Variants in BMPER observed in about 807,000 individuals in gnomAD.
BMPER encodes BMP binding endothelial regulator, also known as BMP-binding endothelial regulator protein.
BMPER carries 45 observed loss-of-function variants against 87.3 expected under a neutral mutation model. The ratio of observed to expected loss-of-function variants is 0.52; its 90% CI spans 0.41 to 0.66. The LOEUF (loss-of-function observed/expected upper bound fraction) is 0.66, where lower values mean the gene tolerates loss of function less well. Among genes scored for constraint, BMPER ranks in the 30% least tolerant of loss-of-function variants. BMPER has a pLI of 0.00. For synonymous variants in BMPER, 326 were observed against 316.2 expected (o/e 1.03, Z -0.33); for missense variants, 784 against 867.5 (o/e 0.90, Z 1.21).
chr7:34,136,748 C>T (rs1056187340), intron 13 of BMPER, among the ~76,000 whole-genome samples: 7 of 152,254 alleles, frequency 4.6e-5, no homozygotes, highest in African/African-American at 1.4e-4. Context: ...AGCTGACCTT[C>T]AGATTGACAA....
At chr7:34,026,055 G>A (rs986041610) in intron 6 of BMPER, among the ~76,000 whole-genome samples, 1 of 151,930 alleles carries the variant, frequency 6.6e-6, no homozygotes, top group African/African-American at 2.4e-5. Context: ...CCCTACTTTG[G>A]GTTCAACGTT....
chr7:33,923,571 C>T (rs972570970), intron 2 of BMPER, among the ~76,000 whole-genome samples: 2 of 152,176 alleles, frequency 1.3e-5, no homozygotes, highest in East Asian at 3.9e-4. Flanking sequence ...CTGTGAGCCT[C>T]AAATAGTGGG....
intron 11 of BMPER, among the ~76,000 whole-genome samples, chr7:34,068,168 T>G (rs1788641539): frequency 6.6e-6 from 1 of 152,244 alleles, no homozygotes; most frequent in Non-Finnish European, 1.5e-5. Flanking sequence ...CACAGCCGTC[T>G]TGTGGTCAAA....
At chr7:33,905,186 G>T (rs961675038), upstream of BMPER, 31 of 267,956 alleles carry the variant, frequency 1.2e-4, no homozygotes, top group Non-Finnish European at 8.7e-5. Context: ...CAGCGACAGC[G>T]ACAGCCCCCG....
At chr7:34,069,536 T>C (rs911851898) in intron 11 of BMPER, among the ~76,000 whole-genome samples, 1 of 152,172 alleles carries the variant, frequency 6.6e-6, no homozygotes, top group Admixed American at 6.5e-5. Context: ...AGCCTGAGGG[T>C]GAAAGAAATT....
At chr7:33,991,601 TG>T (rs1205274022) in intron 6 of BMPER, among the ~76,000 whole-genome samples, 1 of 152,212 alleles carries the variant, frequency 6.6e-6, no homozygotes, top group African/African-American at 2.4e-5. Flanking sequence ...AAGGGTTTTT[TG>T]TGTCTGTATT....
chr7:34,152,971 G>A, intron 14 of BMPER, 121 bp from the exon 15 acceptor site: 1 of 1,138,696 alleles, frequency 8.8e-7, no homozygotes. Flanking sequence ...AAATGCAAAT[G>A]TGATCCTGAG....
At chr7:33,951,616 A>C (rs1785026215) in intron 3 of BMPER, among the ~76,000 whole-genome samples, 1 of 151,982 alleles carries the variant, frequency 6.6e-6, no homozygotes, top group South Asian at 2.1e-4. Context: ...AAGTTTTGGG[A>C]GGGTAGGGAT....
chr7:33,910,707 C>A (rs1004878926), intron 2 of BMPER, among the ~76,000 whole-genome samples: 1 of 152,190 alleles, frequency 6.6e-6, no homozygotes, highest in East Asian at 1.9e-4. Flanking sequence ...TTCAATGTTA[C>A]AAGAATCAGG....
chr7:33,975,342 G>T (rs1171247454), intron 6 of BMPER, among the ~76,000 whole-genome samples: 2 of 152,160 alleles, frequency 1.3e-5, no homozygotes, highest in Non-Finnish European at 2.9e-5. Context: ...TCTGAGGGCT[G>T]ATCAGTTACA....
intron 13 of BMPER, among the ~76,000 whole-genome samples, chr7:34,103,766 A>G (rs1420339): frequency 0.98 from 149,319 of 152,280 alleles, 73,266 homozygotes; most frequent in Middle Eastern, 1. Flanking sequence ...AGGTTTGAAG[A>G]GCTGCTATAA....
chr7:34,131,042 C>T (rs960405752), intron 13 of BMPER, among the ~76,000 whole-genome samples: 4 of 152,096 alleles, frequency 2.6e-5, no homozygotes, highest in African/African-American at 9.7e-5. Context: ...TTATAGAAAA[C>T]AGGCCTCACA....
In BMPER at chr7:34,079,026, G is replaced by A. The variant is rs199800567; in HGVS notation, c.1248G>A (p.Ser416=). 993 of 1,614,192 alleles carry A rather than the reference G, an allele frequency of 6.2e-4. 8 individuals carry two copies. The highest frequency in any genetic ancestry group is 2.0e-4 in the South Asian group (18 of 91,086). Residue 416 remains serine, a synonymous_variant, in exon 12 of 15, where the codon TCG becomes TCA. Coordinates refer to ENST00000649409, the MANE Select transcript of BMPER (RefSeq NM_001365308.1). ...ACGCCCGCCGGACACGCTCCTTCTC[G>A]TGGACCAAGTCGGTGGAGCTGGTGC... ...KNDARRTRSF[S]WTKSVELVLG... is the part of the protein sequence containing the mutation.
chr7:34,019,507 C>G (rs1183801034), intron 6 of BMPER, among the ~76,000 whole-genome samples: 1 of 152,034 alleles, frequency 6.6e-6, no homozygotes, highest in South Asian at 2.1e-4. Flanking sequence ...AGAATGAGCT[C>G]ATGCAGCCTT....
chr7:34,112,562 G>A (rs911509867), intron 13 of BMPER, among the ~76,000 whole-genome samples: 1 of 145,512 alleles, frequency 6.9e-6, no homozygotes, highest in East Asian at 2.1e-4. Flanking sequence ...CAGAGAACTG[G>A]TTTTTTCATT....
chr7:34,129,630 G>GAGAGAGAAAGAAAGAA (rs1790515158), intron 13 of BMPER, among the ~76,000 whole-genome samples: 2 of 56,272 alleles, frequency 3.6e-5, no homozygotes, highest in African/African-American at 6.9e-5. Context: ...GAGAGAAAGA[G>GAGAGAGAAAGAAAGAA]AGAAAGAAAG....
At chr7:33,977,465 T>C (rs1325843318) in intron 6 of BMPER, among the ~76,000 whole-genome samples, 1 of 152,058 alleles carries the variant, frequency 6.6e-6, no homozygotes, top group Non-Finnish European at 1.5e-5. Flanking sequence ...TGCGTGCAGG[T>C]GTGAGGTGCC....
chr7:34,046,333 G>C lies in BMPER; in HGVS notation c.604G>C (p.Val202Leu), dbSNP rs753257902. The C allele has an allele frequency of 2.5e-6, 4 of 1,613,924 alleles. No homozygotes were observed. The Admixed American group carries it at 6.7e-5, about 27-fold the overall frequency. The change falls in exon 7 of 15, where the codon GTC (valine) becomes CTC (leucine). Residue 202 changes from valine to leucine, a missense_variant. Transcript: ENST00000649409. ...AGGCAGGACACAATGTGTGAGAGAAGTCTGTCCCATTCTCTCCTGTCCCCA... is the reference window on the plus strand; with the variant it reads ...AGGCAGGACACAATGTGTGAGAGAACTCTGTCCCATTCTCTCCTGTCCCCA... ...TGGRTQCVRE[V>L]CPILSCPQHL...
intron 6 of BMPER, among the ~76,000 whole-genome samples, chr7:33,996,684 A>G (rs1437445114): frequency 6.6e-6 from 1 of 152,094 alleles, no homozygotes; most frequent in African/African-American, 2.4e-5. Context: ...GCAATTTTTA[A>G]TTTTCTGGTA....
Sources: gnomAD v4.1 joint callset for allele counts (sites outside exome capture counted in the v4.1 genomes callset) on GRCh38, gnomAD v4.1.1 for gene constraint, MANE v1.5 for transcripts, NCBI Gene and HGNC (gene_info 2026-07-23, HGNC 2026-07-21) for gene names.